Variants in FAF1 observed in about 807,000 individuals in gnomAD.
FAF1 encodes the protein FAS-associated factor 1.
FAF1 carries 25 observed loss-of-function variants against 92.5 expected under a neutral mutation model. The ratio of observed to expected loss-of-function variants is 0.27; its 90% CI spans 0.20 to 0.38. FAF1 has a LOEUF of 0.38. FAF1 is among the 10% of genes least tolerant of loss of function. The pLI is 1.00. For missense variants in FAF1, 636 were observed against 793.3 expected (o/e 0.80, Z 2.38); for synonymous variants, 234 against 273.2 (o/e 0.86, Z 1.42).
Position 50,960,202 on chromosome 1 carries a change from G to A in FAF1, c.-391C>T, listed in dbSNP as rs1006050648. 1.2e-5 allele frequency: 4 copies of A among 324,420 alleles called. No homozygotes were observed. Among genetic ancestry groups the A allele is most frequent in the East Asian group, 4.3e-5 (1 of 23,224 alleles). The allele number at this position is 324,420 out of a possible 1,614,324, so 20.1% of individuals were successfully genotyped here. On this transcript the variant is annotated 5_prime_UTR_variant, in exon 1 of 19. Transcript: ENST00000396153. Reference sequence around the variant, plus strand: ...GGGGAAACCGAGCGAGCGAGCGGGCGGGCGAACGCCGCGGCCGCCTCCGCC... The same window carrying A: ...GGGGAAACCGAGCGAGCGAGCGGGCAGGCGAACGCCGCGGCCGCCTCCGCC...
intron 6 of FAF1, among the ~76,000 whole-genome samples, chr1:50,733,108 C>G (rs373551091): frequency 7.2e-5 from 11 of 152,034 alleles, no homozygotes; most frequent in African/African-American, 2.7e-4. Flanking sequence ...ATTATGATGA[C>G]CTAATAAGAT....
rs565234466 is a variant in FAF1, at chr1:50,878,972, A to G, written c.46-20975T>C. 2.6e-5 allele frequency among the ~76,000 whole-genome samples: 4 copies of G among 152,306 alleles called. No homozygotes were observed. The South Asian group carries it at 6.2e-4, about 24-fold the overall frequency. Reference sequence around the variant, plus strand: ...ATAAGTGAATCAGATTAGGGCAGGTATGGTGGCTTATGCCTATAATCCCAC... The same window carrying G: ...ATAAGTGAATCAGATTAGGGCAGGTGTGGTGGCTTATGCCTATAATCCCAC... On this transcript the variant is annotated intron_variant, in intron 1 of 18. Transcript: ENST00000396153.
chr1:50,953,288 CAGAGACCCTTGTTCACATGTTTA>C (rs1351676965), intron 1 of FAF1, among the ~76,000 whole-genome samples: 1 of 152,062 alleles, frequency 6.6e-6, no homozygotes, highest in Non-Finnish European at 1.5e-5. Context: ...CTAGGAAAAC[CAGAGACCCTTGTTCACATGTTTA>C]TCTGCTGACC....
chr1:50,846,441 C>A, intron 2 of FAF1: 1 of 413,518 alleles, frequency 2.4e-6, no homozygotes, highest in South Asian at 1.9e-5. Flanking sequence ...CAGCTCGCTT[C>A]CGAGCCGCAC....
chr1:50,948,937 T>A (rs1250457517), intron 1 of FAF1, among the ~76,000 whole-genome samples: 1 of 152,122 alleles, frequency 6.6e-6, no homozygotes, highest in African/African-American at 2.4e-5. Flanking sequence ...TGATCCAATA[T>A]CTACCTCTAG....
intron 8 of FAF1, among the ~76,000 whole-genome samples, chr1:50,654,971 CTTT>C (rs569202434): frequency 3.6e-5 from 5 of 137,858 alleles, no homozygotes; most frequent in Non-Finnish European, 6.3e-5. Context: ...TTAGATATTT[CTTT>C]TTTTTTTTTT....
chr1:50,593,208 C>A (rs990785901), intron 9 of FAF1, among the ~76,000 whole-genome samples: 13 of 152,018 alleles, frequency 8.6e-5, no homozygotes, highest in African/African-American at 3.1e-4. Context: ...CCTCCCAATC[C>A]CACACTACCA....
chr1:50,513,340 C>T (rs1218643320), intron 15 of FAF1, among the ~76,000 whole-genome samples: 1 of 152,062 alleles, frequency 6.6e-6, no homozygotes, highest in African/African-American at 2.4e-5. Flanking sequence ...AAAAATTAAC[C>T]GGGCATGGTG....
chr1:50,544,001 G>A (rs1328671641), intron 13 of FAF1, among the ~76,000 whole-genome samples: 2 of 152,094 alleles, frequency 1.3e-5, no homozygotes, highest in Non-Finnish European at 2.9e-5. Context: ...TGCTCTCCTG[G>A]GAAGAAATCC....
At chr1:50,514,159 A>G (rs1460327444) in intron 15 of FAF1, among the ~76,000 whole-genome samples, 1 of 152,222 alleles carries the variant, frequency 6.6e-6, no homozygotes, top group Non-Finnish European at 1.5e-5. Flanking sequence ...ATTTACCTCC[A>G]GCCTTATATT....
chr1:50,546,842 C>G (rs1373642289), intron 13 of FAF1, among the ~76,000 whole-genome samples: 1 of 152,078 alleles, frequency 6.6e-6, no homozygotes, highest in Non-Finnish European at 1.5e-5. Context: ...AAGAGCAAGT[C>G]CCTTACATGA....
intron 8 of FAF1, among the ~76,000 whole-genome samples, chr1:50,604,430 G>A (rs1389372801): frequency 6.6e-6 from 1 of 152,194 alleles, no homozygotes; most frequent in African/African-American, 2.4e-5. Context: ...GAGGTAAAGT[G>A]TTTGTCCCAA....
intron 18 of FAF1, among the ~76,000 whole-genome samples, chr1:50,460,013 A>G (rs961677602): frequency 6.6e-6 from 1 of 152,234 alleles, no homozygotes; most frequent in African/African-American, 2.4e-5. Context: ...AGCACTATGC[A>G]TAGAATATAC....
intron 13 of FAF1, among the ~76,000 whole-genome samples, chr1:50,552,402 A>G (rs574353427): frequency 3.3e-4 from 50 of 152,320 alleles, no homozygotes; most frequent in Admixed American, 2.2e-3. Flanking sequence ...TGGTCTGAAT[A>G]AATCCAAAGC....
intron 13 of FAF1, among the ~76,000 whole-genome samples, chr1:50,560,044 A>G (rs1649824919): frequency 6.6e-6 from 1 of 152,220 alleles, no homozygotes; most frequent in Non-Finnish European, 1.5e-5. Context: ...TACCTAGGGT[A>G]GCAGCTGGAA....
intron 15 of FAF1, among the ~76,000 whole-genome samples, chr1:50,492,961 C>T (rs941478143): frequency 6.6e-6 from 1 of 151,742 alleles, no homozygotes; most frequent in Non-Finnish European, 1.5e-5. Flanking sequence ...AATTGTTATA[C>T]TACAAAATAT....
At position 50,721,213 on chromosome 1, in the gene FAF1, C is replaced by CCAG. The variant is rs1557492853; in HGVS notation, c.552-15323_552-15322insCTG. ...GAGAGGAGTCTCACTCTTATCACCA[C>CCAG]GCTGGAGATAAGTCTCACCACCAGG... On this transcript the variant is annotated intron_variant, in intron 6 of 18. Transcript: ENST00000396153. Among the ~76,000 whole-genome samples, 3 of 151,686 alleles carry CCAG rather than the reference C, an allele frequency of 2.0e-5. No homozygotes were observed. In the South Asian group the frequency reaches 6.3e-4, roughly 32 times the overall value.
At chr1:50,604,039 T>C (rs960606593) in intron 8 of FAF1, among the ~76,000 whole-genome samples, 1 of 152,202 alleles carries the variant, frequency 6.6e-6, no homozygotes, top group Admixed American at 6.5e-5. Context: ...TTTTGCTATG[T>C]ACATAAACAC....
chr1:50,661,557 G>A (rs1486352160), intron 7 of FAF1, among the ~76,000 whole-genome samples: 1 of 152,072 alleles, frequency 6.6e-6, no homozygotes, highest in African/African-American at 2.4e-5. Flanking sequence ...AGAAGAAAAA[G>A]GACTCTGGTC....
Sources: gnomAD v4.1 joint callset for allele counts (sites outside exome capture counted in the v4.1 genomes callset) on GRCh38, gnomAD v4.1.1 for gene constraint, MANE v1.5 for transcripts, NCBI Gene and HGNC (gene_info 2026-07-23, HGNC 2026-07-21) for gene names.